The following VAMP7 variants were observed in gnomAD, a reference collection of about 807,000 sequenced individuals.
VAMP7 encodes the protein vesicle associated membrane protein 7.
A neutral mutation model predicts 29.6 loss-of-function variants in VAMP7; 14 were observed. The ratio of observed to expected loss-of-function variants is 0.47; its 90% CI spans 0.31 to 0.74. The LOEUF is 0.74. Ranked by LOEUF, VAMP7 falls within the 30% of genes least tolerant of loss-of-function variation. The probability of loss-of-function intolerance (pLI) is 0.05; values close to 1 mark genes in which losing one functional copy is unlikely to be tolerated. For missense variants in VAMP7, 223 were observed against 262.4 expected, an observed-to-expected ratio of 0.85 and a Z score of 1.04; for synonymous variants, 95 against 88.1, an observed-to-expected ratio of 1.08 and a Z score of -0.44.
At chrX:155,920,801 G>C (rs73234596) in intron 6 of VAMP7, among the ~76,000 whole-genome samples, 271 of 152,282 alleles carry the variant, frequency 1.8e-3, no homozygotes, top group Non-Finnish European at 2.8e-3. Context: ...TTGATACATA[G>C]TAAGAGCTAT....
intron 6 of VAMP7, among the ~76,000 whole-genome samples, chrX:155,933,954 T>C (rs1055720429): frequency 6.6e-6 from 1 of 152,238 alleles, no homozygotes; most frequent in African/African-American, 2.4e-5. Flanking sequence ...CATTTCGTTA[T>C]GTACCCAGTA....
intron 1 of VAMP7, among the ~76,000 whole-genome samples, chrX:155,884,641 T>A (rs1042585879): frequency 6.6e-6 from 1 of 152,248 alleles, no homozygotes; most frequent in Admixed American, 6.5e-5. Flanking sequence ...TATTGACACC[T>A]ATTTCTTTAT....
chrX:155,889,861 CTT>C (rs2065906313), intron 2 of VAMP7, among the ~76,000 whole-genome samples: 1 of 140,864 alleles, frequency 7.1e-6, no homozygotes, highest in African/African-American at 2.7e-5. Context: ...GTAAAAATGA[CTT>C]TGCTCTAGAG....
chrX:155,927,481 CAAAAAAAAAAAAAA>C (rs531998416), intron 6 of VAMP7, among the ~76,000 whole-genome samples: 7 of 111,598 alleles, frequency 6.3e-5, no homozygotes, highest in Non-Finnish European at 7.4e-5. Flanking sequence ...TTCGATTTGC[CAAAAAAAAAAAAAA>C]AAAAAAAAAA....
chrX:155,922,555 G>T (rs1183864284), intron 6 of VAMP7, among the ~76,000 whole-genome samples: 3 of 151,988 alleles, frequency 2.0e-5, no homozygotes, highest in Non-Finnish European at 4.4e-5. Flanking sequence ...TTGCATTCCT[G>T]CAAGGTCATG....
At position 155,943,048 on chromosome X, in the gene VAMP7, G is replaced by A. The variant is rs2066770127; in HGVS notation, c.*1097G>A. 6.6e-6 allele frequency: 1 copy of A among 150,692 alleles called. No individual in the cohort carries two copies. The highest frequency in any genetic ancestry group is 2.5e-5 in the African/African-American group (1 of 40,782). The allele number at this position is 150,692 out of a possible 1,614,324, so 9.3% of individuals were successfully genotyped here. A position where few individuals can be genotyped will look rare whatever the true frequency, so the allele number is the denominator to read the frequency against. ...AAGAGAATAGACAGTATGACATATA[G>A]AATTAATACAAAACAGTTTAACAAC... On this transcript the variant is annotated 3_prime_UTR_variant, in exon 8 of 8. Coordinates refer to ENST00000286448, the MANE Select transcript of VAMP7 (RefSeq NM_005638.6).
chrX:155,903,720 G>A (rs2066103722), intron 5 of VAMP7, among the ~76,000 whole-genome samples: 1 of 152,162 alleles, frequency 6.6e-6, no homozygotes, highest in Admixed American at 6.5e-5. Context: ...TTACTGGAGA[G>A]GATGTGGAGA....
At chrX:155,915,635 C>T (rs2066301053) in intron 5 of VAMP7, among the ~76,000 whole-genome samples, 1 of 152,180 alleles carries the variant, frequency 6.6e-6, no homozygotes, top group Non-Finnish European at 1.5e-5. Context: ...AGTAGTCATT[C>T]AGGAACAGGT....
chrX:155,934,204 T>C (rs1350118783), intron 6 of VAMP7, among the ~76,000 whole-genome samples: 1 of 152,214 alleles, frequency 6.6e-6, no homozygotes, highest in East Asian at 1.9e-4. Context: ...GTTCTGTAGA[T>C]GTCTGTTAGG....
chrX:155,926,274 G>C (rs765602120), intron 6 of VAMP7, among the ~76,000 whole-genome samples: 1 of 152,308 alleles, frequency 6.6e-6, no homozygotes, highest in Admixed American at 6.5e-5. Context: ...AAAGAAGGGT[G>C]TTTTGTTTAC....
intron 6 of VAMP7, among the ~76,000 whole-genome samples, chrX:155,929,802 C>T (rs962599113): frequency 1.4e-4 from 22 of 152,232 alleles, no homozygotes; most frequent in African/African-American, 2.2e-4. Flanking sequence ...CATCCACTCA[C>T]GCTGGAGCCA....
intron 2 of VAMP7, among the ~76,000 whole-genome samples, chrX:155,894,306 T>G (rs1360550371): frequency 8.0e-5 from 12 of 150,392 alleles, no homozygotes; most frequent in African/African-American, 7.4e-5. Flanking sequence ...CCTTTGTTTT[T>G]TTTTTTTTTT....
At chrX:155,886,915 C>CT (rs5904414) in intron 1 of VAMP7, among the ~76,000 whole-genome samples, 152,326 of 152,330 alleles carry the variant, frequency 1, 76,161 homozygotes, top group Middle Eastern at 1. Flanking sequence ...AAGTTTCCTT[C>CT]TGAACCTGCA....
At chrX:155,917,153 A>G (rs1033831014) in intron 5 of VAMP7, among the ~76,000 whole-genome samples, 4 of 152,060 alleles carry the variant, frequency 2.6e-5, no homozygotes, top group African/African-American at 9.7e-5. Context: ...CAGTTCGGCT[A>G]TTGATACTTT....
At chrX:155,923,284 C>T (rs1224308295) in intron 6 of VAMP7, among the ~76,000 whole-genome samples, 3 of 151,742 alleles carry the variant, frequency 2.0e-5, no homozygotes, top group East Asian at 1.9e-4. Context: ...TTGTGTAGGC[C>T]GAGTTTCTAT....
intron 6 of VAMP7, among the ~76,000 whole-genome samples, chrX:155,929,879 G>C (rs979730864): frequency 6.6e-6 from 1 of 151,922 alleles, no homozygotes; most frequent in Non-Finnish European, 1.5e-5. Context: ...GCAAGTTTGG[G>C]GATTCCCCAA....
chrX:155,886,714 G>C (rs1355064212), intron 1 of VAMP7, among the ~76,000 whole-genome samples: 2 of 152,116 alleles, frequency 1.3e-5, no homozygotes, highest in African/African-American at 4.8e-5. Context: ...ATTGAATTCA[G>C]TATTTTACAT....
intron 6 of VAMP7, among the ~76,000 whole-genome samples, chrX:155,927,318 T>G (rs1231011050): frequency 6.6e-6 from 1 of 150,986 alleles, no homozygotes; most frequent in African/African-American, 2.4e-5. Context: ...TGTATACCTG[T>G]GTAAGAAACC....
In VAMP7 at chrX:155,908,003, C is replaced by T. The variant is rs760775964; in HGVS notation, c.433+7416C>T. 2.4e-3 allele frequency among the ~76,000 whole-genome samples: 372 copies of T among 152,166 alleles called. 2 individuals are homozygous for T. Among genetic ancestry groups the T allele is most frequent in the African/African-American group, 8.3e-3 (346 of 41,534 alleles). ...GCTCCTCACTTCCTAGATGGGATGG[C>T]GGCTGGGCAGAGACGCTCCTCACTT... On this transcript the variant is annotated intron_variant, in intron 5 of 7. Transcript: ENST00000286448.
Sources: allele counts gnomAD v4.1 joint callset (sites outside exome capture counted in the v4.1 genomes callset), GRCh38; gene constraint gnomAD v4.1.1; transcripts MANE v1.5; gene names NCBI Gene and HGNC (gene_info 2026-07-23, HGNC 2026-07-21).